The following CNOT10 variants were observed in gnomAD, a reference collection of about 807,000 sequenced individuals.
CNOT10 encodes the protein CCR4-NOT transcription complex, subunit 10.
CNOT10 carries 30 observed loss-of-function variants against 94.6 expected under a neutral mutation model. The ratio of observed to expected loss-of-function variants is 0.32; its 90% CI spans 0.24 to 0.43. The LOEUF is 0.43. Ranked by LOEUF, CNOT10 falls within the 20% of genes least tolerant of loss-of-function variation. The pLI, the probability that CNOT10 is intolerant of heterozygous loss-of-function variation, is 1.00. For synonymous variants in CNOT10, 289 were observed against 301.6 expected (o/e 0.96, Z 0.43); for missense variants, 759 against 877.2 (o/e 0.87, Z 1.70).
intron 18 of CNOT10, among the ~76,000 whole-genome samples, 199 bp downstream of exon 18, chr3:32,770,161 T>C (rs1559522533): frequency 6.6e-6 from 1 of 151,328 alleles, no homozygotes; most frequent in Non-Finnish European, 1.5e-5. Context: ...TGCACGCCAC[T>C]GAGCCCAACT....
At chr3:32,715,734 T>G (rs1424816193) in intron 5 of CNOT10, among the ~76,000 whole-genome samples, 5 of 152,214 alleles carry the variant, frequency 3.3e-5, no homozygotes, top group Admixed American at 3.3e-4. Flanking sequence ...GACTGTGAGC[T>G]TCTCATGAGT....
At chr3:32,764,553 A>C in intron 16 of CNOT10, 63 bp downstream of exon 16, 3 of 1,605,544 alleles carry the variant, frequency 1.9e-6, no homozygotes, top group Non-Finnish European at 2.6e-6. Flanking sequence ...TTAGATTCTA[A>C]ATCTTCTGTG....
At chr3:32,695,893 G>A (rs1697030382) in intron 1 of CNOT10, 2 of 1,290,010 alleles carry the variant, frequency 1.6e-6, no homozygotes, top group Non-Finnish European at 2.1e-6. Context: ...TTACAAAAAT[G>A]AATACCCATT....
intron 5 of CNOT10, among the ~76,000 whole-genome samples, chr3:32,714,716 A>G (rs1698045873): frequency 6.6e-6 from 1 of 152,146 alleles, no homozygotes; most frequent in Non-Finnish European, 1.5e-5. Flanking sequence ...CTCAAAAATA[A>G]AAAAGCATAC....
intron 13 of CNOT10, among the ~76,000 whole-genome samples, chr3:32,745,953 A>G (rs1180734517): frequency 6.6e-6 from 1 of 152,160 alleles, no homozygotes; most frequent in East Asian, 1.9e-4. Flanking sequence ...GGTTGCACCA[A>G]TGCACTCCAA....
At chr3:32,692,036 G>A (rs1284480015) in intron 1 of CNOT10, among the ~76,000 whole-genome samples, 1 of 144,194 alleles carries the variant, frequency 6.9e-6, no homozygotes, top group South Asian at 2.2e-4. Flanking sequence ...GGGTGACTGA[G>A]TGAGACCCTG....
chr3:32,705,264 G>T (rs1697561808), intron 3 of CNOT10, among the ~76,000 whole-genome samples: 1 of 152,102 alleles, frequency 6.6e-6, no homozygotes, highest in African/African-American at 2.4e-5. Flanking sequence ...TAGCTGTGGA[G>T]ATATATCTTG....
chr3:32,769,124 T>C (rs2125648312), intron 17 of CNOT10: 1 of 152,340 alleles, frequency 6.6e-6, no homozygotes. Flanking sequence ...CAATAAGTAT[T>C]TGTAGAAGTC....
At chr3:32,733,654 T>C (rs1176753608) in intron 11 of CNOT10, 110 bp downstream of exon 11, 1 of 653,000 alleles carries the variant, frequency 1.5e-6, no homozygotes, top group Middle Eastern at 4.6e-4. Context: ...AGGAACCACT[T>C]TGTAACTAGA....
At chr3:32,694,177 C>T (rs1214467282) in intron 1 of CNOT10, among the ~76,000 whole-genome samples, 1 of 150,592 alleles carries the variant, frequency 6.6e-6, no homozygotes, top group African/African-American at 2.4e-5. Flanking sequence ...GTTTGGTACT[C>T]TACACTTTCA....
At chr3:32,770,653 C>T (rs1198205158) in intron 18 of CNOT10, among the ~76,000 whole-genome samples, 1 of 151,540 alleles carries the variant, frequency 6.6e-6, no homozygotes, top group Non-Finnish European at 1.5e-5. Context: ...TCTGTTTTTT[C>T]TCTTCAGAGT....
intron 8 of CNOT10, 105 bp downstream of exon 8, chr3:32,720,336 T>G (rs1698313549): frequency 1.8e-5 from 9 of 506,232 alleles, no homozygotes; most frequent in South Asian, 1.0e-4. Flanking sequence ...TTATGCTAAT[T>G]TTTTAATGAA....
At chr3:32,722,731 C>G (rs1698478124) in intron 8 of CNOT10, among the ~76,000 whole-genome samples, 1 of 148,540 alleles carries the variant, frequency 6.7e-6, no homozygotes, top group South Asian at 2.4e-4. Context: ...TATAATCAAT[C>G]CCAGCACATT....
chr3:32,699,887 T>C (rs1332337711), intron 1 of CNOT10, among the ~76,000 whole-genome samples: 1 of 152,046 alleles, frequency 6.6e-6, no homozygotes, highest in African/African-American at 2.4e-5. Flanking sequence ...GGGGACAAGG[T>C]GGTCTACTAT....
intron 1 of CNOT10, among the ~76,000 whole-genome samples, chr3:32,692,714 A>G (rs1451555292): frequency 6.6e-6 from 1 of 152,124 alleles, no homozygotes; most frequent in Non-Finnish European, 1.5e-5. Flanking sequence ...GTTCTATTGT[A>G]GTTTCTACCT....
At chr3:32,710,831 C>G (rs1438066667) in intron 4 of CNOT10, among the ~76,000 whole-genome samples, 1 of 152,170 alleles carries the variant, frequency 6.6e-6, no homozygotes, top group African/African-American at 2.4e-5. Flanking sequence ...AGCGATCCTC[C>G]CACCCCAGCC....
chr3:32,755,314 T>C (rs1700175681), intron 13 of CNOT10, among the ~76,000 whole-genome samples: 1 of 149,588 alleles, frequency 6.7e-6, no homozygotes, highest in Admixed American at 6.6e-5. Flanking sequence ...TTTCTTTTTC[T>C]TTTTCTTTTT....
chr3:32,708,275 T>C (rs552836115), intron 3 of CNOT10, among the ~76,000 whole-genome samples: 1 of 152,314 alleles, frequency 6.6e-6, no homozygotes, highest in Admixed American at 6.5e-5. Context: ...GACATTTTTA[T>C]GGGAAAGGTC....
At chr3:32,712,974 G>A (rs541964833) in intron 4 of CNOT10, among the ~76,000 whole-genome samples, 1 of 152,322 alleles carries the variant, frequency 6.6e-6, no homozygotes, top group African/African-American at 2.4e-5. Flanking sequence ...ATGTGCTAGT[G>A]TTTAGTAGAT....
Sources: gnomAD v4.1 joint callset for allele counts (sites outside exome capture counted in the v4.1 genomes callset) on GRCh38, gnomAD v4.1.1 for gene constraint, MANE v1.5 for transcripts, NCBI Gene and HGNC (gene_info 2026-07-23, HGNC 2026-07-21) for gene names.